The following SYT10 variants were observed in gnomAD, a reference collection of about 807,000 sequenced individuals.
SYT10 encodes the protein synaptotagmin-10.
SYT10 carries 31 observed loss-of-function variants against 51.1 expected under a neutral mutation model. That is an observed-to-expected ratio of 0.61 (90% CI 0.46 to 0.82). SYT10 has a LOEUF of 0.82. SYT10 is among the 40% of genes least tolerant of loss of function. The probability of loss-of-function intolerance (pLI) is 0.00; values close to 1 mark genes in which losing one functional copy is unlikely to be tolerated. For synonymous variants in SYT10, 233 were observed against 225.9 expected (o/e 1.03, Z -0.28); for missense variants, 603 against 634.0 (o/e 0.95, Z 0.53).
intron 1 of SYT10, among the ~76,000 whole-genome samples, chr12:33,437,015 C>T (rs1866643048): frequency 6.6e-6 from 1 of 152,170 alleles, no homozygotes; most frequent in African/African-American, 2.4e-5. Flanking sequence ...CTTTAAAGAA[C>T]AGTGTGACGC....
In SYT10 at chr12:33,382,639, G is replaced by A. The variant is rs4301866; in HGVS notation, c.1199-119C>T. 424 of 841,662 alleles carry A rather than the reference G, an allele frequency of 5.0e-4. 1 individual carries two copies. In the African/African-American group the frequency reaches 6.7e-3, roughly 13 times the overall value. The allele number at this position is 841,662 out of a possible 1,614,324, so 52.1% of individuals were successfully genotyped here. On this transcript the variant is annotated intron_variant, in intron 4 of 6. Coordinates refer to ENST00000228567, the MANE Select transcript of SYT10 (RefSeq NM_198992.4). The stretch of plus-strand genomic sequence containing the variant: ...ACTAAGGCCTATATTAAGACCTTTA[G>A]TATTACCAATTTTAAATTTGTCTCC...
intron 3 of SYT10, among the ~76,000 whole-genome samples, chr12:33,387,127 T>A (rs1407883822): frequency 3.3e-5 from 5 of 152,184 alleles, no homozygotes; most frequent in Non-Finnish European, 7.3e-5. Context: ...GTCTTAAACT[T>A]TTTTCATGAT....
chr12:33,406,964 T>C lies in SYT10; in HGVS notation c.902A>G (p.Gln301Arg). ...TLNPLFDETF[Q>R]FPVAYDQLSN... ...TAGTTGATCATATGCTACAGGAAATTGAAAAGTTTCATCAAATAGAGGATT... is the reference window on the plus strand; with the variant it reads ...TAGTTGATCATATGCTACAGGAAATCGAAAAGTTTCATCAAATAGAGGATT... Residue 301 changes from glutamine (Q) to arginine (R), a missense_variant, in exon 3 of 7, where the codon CAA becomes CGA. Gln to Arg is a conservative substitution (Grantham distance 43). Coordinates refer to ENST00000228567, the MANE Select transcript of SYT10 (RefSeq NM_198992.4). 2 of 1,614,124 alleles carry C rather than the reference T, an allele frequency of 1.2e-6. No individual in the cohort carries two copies. The highest frequency in any genetic ancestry group is 1.7e-6 in the Non-Finnish European group (2 of 1,180,018).
chr12:33,433,130 T>C (rs1475069874), intron 1 of SYT10, among the ~76,000 whole-genome samples: 8 of 152,160 alleles, frequency 5.3e-5, no homozygotes, highest in South Asian at 2.1e-4. Flanking sequence ...GGAATTCTGT[T>C]TGTAAACTTG....
Position 33,376,091 on chromosome 12 carries a change from C to A in SYT10, c.*739G>T, listed in dbSNP as rs1164687456. 6.6e-6 allele frequency: 1 copy of A among 152,138 alleles called. No individual in the cohort carries two copies. Among genetic ancestry groups the A allele is most frequent in the Non-Finnish European group, 1.5e-5 (1 of 68,012 alleles). The allele number at this position is 152,138 out of a possible 1,614,324, so 9.4% of individuals were successfully genotyped here. A position where few individuals can be genotyped will look rare whatever the true frequency, so the allele number is the denominator to read the frequency against. ...TTTTAAAAATATCAGTTGAACAGTG[C>A]AACAGATATTTGAGCTAATGTTACA... is the stretch of plus-strand genomic sequence containing the variant. On this transcript the variant is annotated 3_prime_UTR_variant, in exon 7 of 7. Coordinates refer to ENST00000228567, the MANE Select transcript of SYT10 (RefSeq NM_198992.4).
intron 2 of SYT10, among the ~76,000 whole-genome samples, chr12:33,418,427 T>G (rs1400627483): frequency 1.3e-5 from 2 of 152,216 alleles, no homozygotes; most frequent in African/African-American, 4.8e-5. Context: ...ATCTACATGC[T>G]GAGGATCCCA....
At chr12:33,388,584 T>C (rs1190178893) in intron 3 of SYT10, among the ~76,000 whole-genome samples, 1 of 152,208 alleles carries the variant, frequency 6.6e-6, no homozygotes, top group Non-Finnish European at 1.5e-5. Flanking sequence ...GGTAAGAAGA[T>C]TTTTATTCCA....
At chr12:33,437,482 T>C (rs1251895460) in intron 1 of SYT10, among the ~76,000 whole-genome samples, 2 of 152,198 alleles carry the variant, frequency 1.3e-5, no homozygotes, top group Non-Finnish European at 2.9e-5. Context: ...CAGTTGTGCA[T>C]TTTGGACAGA....
intron 3 of SYT10, among the ~76,000 whole-genome samples, chr12:33,404,707 A>C (rs1866336814): frequency 6.6e-6 from 1 of 152,158 alleles, no homozygotes; most frequent in African/African-American, 2.4e-5. Context: ...TTAGGTTTCT[A>C]ACCAAACTGT....
At chr12:33,416,928 T>C (rs1866459319) in intron 2 of SYT10, among the ~76,000 whole-genome samples, 1 of 152,098 alleles carries the variant, frequency 6.6e-6, no homozygotes, top group African/African-American at 2.4e-5. Context: ...GCATTGATAG[T>C]TAATGTACTA....
chr12:33,422,686 A>G (rs1400077121), intron 2 of SYT10, among the ~76,000 whole-genome samples: 1 of 151,842 alleles, frequency 6.6e-6, no homozygotes, highest in African/African-American at 2.4e-5. Context: ...ATTTCCATCT[A>G]GAATGCACAT....
At chr12:33,378,802 G>A (rs1866087313) in intron 6 of SYT10, among the ~76,000 whole-genome samples, 1 of 147,204 alleles carries the variant, frequency 6.8e-6, no homozygotes, top group Admixed American at 6.8e-5. Context: ...AAAACACCAA[G>A]TGACTGGGTA....
intron 2 of SYT10, among the ~76,000 whole-genome samples, chr12:33,422,668 A>C (rs1351419819): frequency 6.6e-6 from 1 of 151,864 alleles, no homozygotes; most frequent in Non-Finnish European, 1.5e-5. Flanking sequence ...TGATTTTTCA[A>C]ATAAAATATT....
intron 3 of SYT10, chr12:33,405,028 A>G (rs1388508948): frequency 1.3e-5 from 2 of 152,142 alleles, no homozygotes; most frequent in African/African-American, 4.8e-5. Context: ...TAAAAAAAAA[A>G]ATCACAATCT....
chr12:33,388,804 G>A (rs1309269847), intron 3 of SYT10, among the ~76,000 whole-genome samples: 1 of 152,134 alleles, frequency 6.6e-6, no homozygotes, highest in African/African-American at 2.4e-5. Context: ...CACAGACTGA[G>A]TCACAGTTAT....
chr12:33,415,935 T>C (rs1196526495), intron 2 of SYT10, among the ~76,000 whole-genome samples: 1 of 152,186 alleles, frequency 6.6e-6, no homozygotes, highest in Non-Finnish European at 1.5e-5. Context: ...TATTACCTGG[T>C]AGAAATCTGG....
chr12:33,400,988 C>T (rs1866299294), intron 3 of SYT10, among the ~76,000 whole-genome samples: 1 of 150,832 alleles, frequency 6.6e-6, no homozygotes, highest in Non-Finnish European at 1.5e-5. Context: ...GACCACACCA[C>T]TGAACTCCAG....
Position 33,379,722 on chromosome 12 carries a change from T to G in SYT10, c.1500+110A>C, listed in dbSNP as rs2138380642. The G allele has an allele frequency of 3.6e-6, 5 of 1,394,680 alleles. No individual in the cohort carries two copies. In the East Asian group the frequency reaches 1.2e-4, roughly 33 times the overall value. The allele number at this position is 1,394,680 out of a possible 1,614,324, so 86.4% of individuals were successfully genotyped here. ...AAAAGCAAGAACAATCTTTTCTATT[T>G]TTTTTAACAAGGGTGAATACATAAA... On this transcript the variant is annotated intron_variant, in intron 6 of 6. Transcript: ENST00000228567.
At chr12:33,407,821 G>A (rs143438555) in intron 2 of SYT10, 3,647 of 153,700 alleles carry the variant, frequency 0.024, 158 homozygotes, top group African/African-American at 0.082. Context: ...TGTTGCCCAG[G>A]CTGGTCTTGA....
Sources: allele counts gnomAD v4.1 joint callset (sites outside exome capture counted in the v4.1 genomes callset), GRCh38; gene constraint gnomAD v4.1.1; transcripts MANE v1.5; gene names NCBI Gene and HGNC (gene_info 2026-07-23, HGNC 2026-07-21).